USP16: variants seen among roughly 807,000 people sequenced by gnomAD.
USP16 encodes ubiquitin carboxyl-terminal hydrolase 16.
USP16 carries 77 observed loss-of-function variants against 95.9 expected under a neutral mutation model. The observed-to-expected ratio is 0.80, with a 90% CI of 0.67 to 0.97. The LOEUF is 0.97. Among genes scored for constraint, USP16 ranks in the 50% least tolerant of loss-of-function variants. USP16 has a pLI of 0.00. For synonymous variants in USP16, 303 were observed against 318.2 expected (o/e 0.95, Z 0.51); for missense variants, 943 against 959.9 (o/e 0.98, Z 0.23).
chr21:29,034,787 C>T (rs764263728), intron 3 of USP16, 50 bp from the exon 4 acceptor site: 2 of 1,562,240 alleles, frequency 1.3e-6, no homozygotes, highest in South Asian at 1.1e-5. Context: ...GCATTCTCCC[C>T]TCTTGCTGAG....
At chr21:29,043,260 G>A (rs2085270961) in intron 12 of USP16, 163 bp from the exon 13 acceptor site, 1 of 439,682 alleles carries the variant, frequency 2.3e-6, no homozygotes, top group East Asian at 3.8e-5. Flanking sequence ...TTGCTTTCTA[G>A]TGTATGAGAT....
At position 29,046,665 on chromosome 21, in the gene USP16, A is replaced by G; in HGVS notation, c.1357-2A>G. 6.3e-7 allele frequency: 1 copy of G among 1,597,320 alleles called. No individual in the cohort carries two copies. The highest frequency in any genetic ancestry group is 8.5e-7 in the Non-Finnish European group (1 of 1,173,964). On this transcript the variant is annotated splice_acceptor_variant, in intron 13 of 17. Transcript: ENST00000399976. LOFTEE classifies it high-confidence loss of function. ...TTTTGATGCCGTATACTTTTTACCC[A>G]GAACCAACGAAGACAACAAAAAATT...
intron 12 of USP16, 171 bp from the exon 13 acceptor site, chr21:29,043,252 G>A (rs1471465147): frequency 4.9e-6 from 2 of 407,390 alleles, no homozygotes; most frequent in Non-Finnish European, 8.4e-6. Flanking sequence ...TGTGAAGATT[G>A]CTTTCTAGTG....
chr21:29,035,241 T>C (rs1222951662), intron 4 of USP16, among the ~76,000 whole-genome samples: 1 of 152,158 alleles, frequency 6.6e-6, no homozygotes, highest in Non-Finnish European at 1.5e-5. Context: ...CAGATAAAAT[T>C]GTAATAAAAT....
At chr21:29,031,306 T>G (rs2085073219) in intron 3 of USP16, among the ~76,000 whole-genome samples, 1 of 152,160 alleles carries the variant, frequency 6.6e-6, no homozygotes, top group Admixed American at 6.5e-5. Flanking sequence ...CAGCTCACAG[T>G]TATTACCGTG....
chr21:29,028,012 C>G (rs1007619360), intron 2 of USP16, 38 bp downstream of exon 2: 12 of 1,449,526 alleles, frequency 8.3e-6, no homozygotes, highest in Admixed American at 5.2e-5. Context: ...GTTTATATCT[C>G]TAAATGAATA....
At chr21:29,025,301 G>T (rs2084970716) in intron 1 of USP16, among the ~76,000 whole-genome samples, 1 of 152,214 alleles carries the variant, frequency 6.6e-6, no homozygotes, top group Non-Finnish European at 1.5e-5. Flanking sequence ...GACTGGGAGG[G>T]CAGAGAGTGA....
rs199847644 is a variant in USP16, at chr21:29,042,472, G to T, written c.1123G>T (p.Val375Phe). The stretch of plus-strand genomic sequence containing the variant: ...ACACTGTCTTTTCTGATTGGTTAAG[G>T]TCTCCTTGGTTCATGAATCTTTCCT... ...SMIMCDQCRTVSLVHESFLDL... is the reference protein window; with the variant it reads ...SMIMCDQCRTFSLVHESFLDL... Residue 375 changes from valine to phenylalanine, a missense_variant and splice_region_variant, in exon 12 of 18, where the codon GTC becomes TTC. Coordinates refer to ENST00000399976, the MANE Select transcript of USP16 (RefSeq NM_006447.3). 1 of 1,602,614 alleles carries T rather than the reference G, an allele frequency of 6.2e-7. No individual in the cohort carries two copies. The highest frequency in any genetic ancestry group is 1.4e-5 in the African/African-American group (1 of 73,992).
At chr21:29,030,001 A>G (rs756504347) in intron 2 of USP16, among the ~76,000 whole-genome samples, 6 of 152,114 alleles carry the variant, frequency 3.9e-5, no homozygotes, top group Non-Finnish European at 8.8e-5. Context: ...AGCAATTTTT[A>G]TTACTATTAT....
chr21:29,047,136 T>A lies in USP16; in HGVS notation c.1826T>A (p.Val609Glu). The change falls in exon 14 of 18, where the codon GTA becomes GAA. Residue 609 changes from valine to glutamate, a missense_variant. Transcript: ENST00000399976. ...CCTGGAACAAAGGTGTATGAGGTTG[T>A]AAATGAAGATCCAGAAACTGCTTTC... ...HTPGTKVYEVVNEDPETAFCT... is the reference protein window; with the variant it reads ...HTPGTKVYEVENEDPETAFCT... The A allele has an allele frequency of 6.2e-7, 1 of 1,614,142 alleles. No homozygotes were observed. The highest frequency in any genetic ancestry group is 8.5e-7 in the Non-Finnish European group (1 of 1,180,024).
intron 13 of USP16, among the ~76,000 whole-genome samples, chr21:29,045,241 C>T (rs1266889712): frequency 6.6e-6 from 1 of 152,158 alleles, no homozygotes; most frequent in Non-Finnish European, 1.5e-5. Context: ...ATCCTGTTTG[C>T]TGCCCTTCAT....
In USP16 at chr21:29,038,447, T is replaced by G. The variant is rs753146218; in HGVS notation, c.732+17T>G. 3.2e-6 allele frequency: 5 copies of G among 1,546,224 alleles called. No individual in the cohort carries two copies. In the Admixed American group the frequency reaches 8.6e-5, roughly 27 times the overall value. ...GCATTAACAGTATGTTCTTTAAACT[T>G]TTCTAGTCTGTAACTTTCCTCTCTG... On this transcript the variant is annotated intron_variant, in intron 7 of 17. Coordinates refer to ENST00000399976, the MANE Select transcript of USP16 (RefSeq NM_006447.3).
rs1407823771 is a variant in USP16 at position 29,048,060 on chromosome 21, T to TGTGC, written c.2012-698_2012-697insCGTG. Among the ~76,000 whole-genome samples, 155 of 133,690 alleles carry TGTGC rather than the reference T, an allele frequency of 1.2e-3. 1 individual carries two copies. Among genetic ancestry groups the TGTGC allele is most frequent in the African/African-American group, 4.7e-3 (150 of 31,812 alleles). 87.7% of individuals were successfully genotyped at this position (133,690 alleles called of 152,430 possible). A position where few individuals can be genotyped will look rare whatever the true frequency, so the allele number is the denominator to read the frequency against. ...CTCAGAGACGATACGTGTGTGTGTG[T>TGTGC]GTGTGTGTGTGTGTGTGTGTGTGTG... On this transcript the variant is annotated intron_variant, in intron 14 of 17. Transcript: ENST00000399976.
intron 1 of USP16, chr21:29,026,556 T>TC (rs2084992856): frequency 7.7e-6 from 1 of 129,710 alleles, no homozygotes; most frequent in Non-Finnish European, 1.6e-5. Flanking sequence ...TTTTTTTTTT[T>TC]TTTTTGGTAG....
At position 29,046,842 on chromosome 21, in the gene USP16, A is replaced by G. The variant is rs777187829; in HGVS notation, c.1532A>G (p.Asn511Ser). The change falls in exon 14 of 18, where the codon AAC (asparagine) becomes AGC (serine). Residue 511 changes from asparagine (N) to serine (S), a missense_variant. Asn to Ser is a conservative substitution (Grantham distance 46). Coordinates refer to ENST00000399976, the MANE Select transcript of USP16 (RefSeq NM_006447.3). Reference protein sequence around the residue: ...EGVMHKEYCVNQKDLNGQAKM... With the variant: ...EGVMHKEYCVSQKDLNGQAKM... Reference sequence around the variant, plus strand: ...GTTATGCATAAAGAATATTGTGTCAACCAGAAAGATTTGAATGGCCAAGCA... The same window carrying G: ...GTTATGCATAAAGAATATTGTGTCAGCCAGAAAGATTTGAATGGCCAAGCA... 5 of 1,614,172 alleles carry G rather than the reference A, an allele frequency of 3.1e-6. No individual in the cohort carries two copies. The Admixed American group carries it at 8.3e-5, about 27-fold the overall frequency.
In USP16 at chr21:29,053,649, GAAGAGGTA is replaced by G. The variant is rs2085450007; in HGVS notation, c.2194-152_2194-145del. Reference sequence around the variant, plus strand: ...TAAAAACAGAAGTGTCTCAGGCTGAGAAGAGGTATGGAGAAAAGAGTAGACTCATGAAT... The same window carrying G: ...TAAAAACAGAAGTGTCTCAGGCTGAGTGGAGAAAAGAGTAGACTCATGAAT... On this transcript the variant is annotated intron_variant, in intron 16 of 17. Transcript: ENST00000399976. 4.4e-6 allele frequency: 3 copies of G among 689,144 alleles called. No homozygotes were observed. In the African/African-American group the frequency reaches 5.4e-5, roughly 12 times the overall value. The allele number at this position is 689,144 out of a possible 1,614,324, so 42.7% of individuals were successfully genotyped here.
intron 9 of USP16, 22 bp from the exon 10 acceptor site, chr21:29,040,587 A>G: frequency 8.6e-7 from 1 of 1,164,864 alleles, no homozygotes; most frequent in Non-Finnish European, 1.2e-6. Context: ...TAGTATATAT[A>G]TATCCATTTT....
intron 12 of USP16, 91 bp downstream of exon 12, chr21:29,042,619 T>C (rs1243753301): frequency 3.5e-6 from 4 of 1,154,312 alleles, no homozygotes; most frequent in Non-Finnish European, 5.0e-6. Context: ...TAAGTTTGTA[T>C]ATTACTAGCC....
chr21:29,030,841 AC>A, intron 3 of USP16, 68 bp downstream of exon 3: 9 of 1,505,340 alleles, frequency 6.0e-6, no homozygotes, highest in Non-Finnish European at 8.0e-6. Flanking sequence ...AGAAGGTATT[AC>A]CTGAAAGTAC....
Sources: allele counts gnomAD v4.1 joint callset (sites outside exome capture counted in the v4.1 genomes callset), GRCh38; gene constraint gnomAD v4.1.1; transcripts MANE v1.5; gene names NCBI Gene and HGNC (gene_info 2026-07-23, HGNC 2026-07-21).